Variants in NUP210L observed in about 807,000 individuals in gnomAD.
The protein encoded by NUP210L is nucleoporin 210 like, also known as nuclear pore membrane glycoprotein 210-like.
In NUP210L, 74 loss-of-function variants were observed where a neutral mutation model predicts 208.5. The ratio of observed to expected loss-of-function variants is 0.35; its 90% CI spans 0.29 to 0.43. NUP210L has a LOEUF of 0.43. Ranked by LOEUF, NUP210L falls within the 20% of genes least tolerant of loss-of-function variation. The pLI is 1.00. For synonymous variants in NUP210L, 780 were observed against 816.9 expected (o/e 0.95, Z 0.77); for missense variants, 1,843 against 2,289.4 (o/e 0.81, Z 3.98).
At chr1:154,005,816 C>T (rs537643578) in intron 35 of NUP210L, among the ~76,000 whole-genome samples, 3 of 152,036 alleles carry the variant, frequency 2.0e-5, no homozygotes, top group African/African-American at 4.8e-5. Context: ...CTCCGCCTCC[C>T]GGGTTCAAGT....
chr1:154,092,280 C>T (rs1317994283), intron 15 of NUP210L, among the ~76,000 whole-genome samples: 1 of 150,656 alleles, frequency 6.6e-6, no homozygotes, highest in Non-Finnish European at 1.5e-5. Flanking sequence ...GGGGTTTCAC[C>T]GTGTTACCCA....
chr1:153,994,973 C>T, intron 38 of NUP210L, 103 bp downstream of exon 38: 1 of 682,224 alleles, frequency 1.5e-6, no homozygotes, highest in East Asian at 2.9e-5. Flanking sequence ...GATTGCGCCA[C>T]TGCACTCCAG....
intron 10 of NUP210L, among the ~76,000 whole-genome samples, chr1:154,126,076 T>C (rs1041633872): frequency 6.6e-6 from 1 of 151,942 alleles, no homozygotes; most frequent in Non-Finnish European, 1.5e-5. Flanking sequence ...CCAAGAAATG[T>C]TTTTAATGAA....
exon 32 of NUP210L, chr1:154,022,197 A>G (rs1439193842): frequency 6.2e-7 from 1 of 1,614,166 alleles, no homozygotes; most frequent in South Asian, 1.1e-5. Context: ...GTCTGGCTCA[A>G]TGGCATGCTC....
chr1:153,997,409 G>A (rs956363413), intron 37 of NUP210L, among the ~76,000 whole-genome samples: 1 of 151,424 alleles, frequency 6.6e-6, no homozygotes, highest in Admixed American at 6.6e-5. Flanking sequence ...CCAAAGTGTT[G>A]GGATTACAAG....
At chr1:153,996,181 A>G (rs1477030434) in intron 37 of NUP210L, among the ~76,000 whole-genome samples, 3 of 152,030 alleles carry the variant, frequency 2.0e-5, no homozygotes, top group Non-Finnish European at 4.4e-5. Context: ...AGTCCCAGCT[A>G]CTTGGGAGGC....
At chr1:154,120,377 A>C (rs1440889302) in intron 10 of NUP210L, among the ~76,000 whole-genome samples, 2 of 152,100 alleles carry the variant, frequency 1.3e-5, no homozygotes, top group Non-Finnish European at 2.9e-5. Flanking sequence ...TATCACAAGG[A>C]CAAAAAACCA....
In NUP210L at chr1:154,127,208, CAAAG is replaced by C. The variant is rs1435493551; in HGVS notation, c.1185+99_1185+102del. Reference sequence around the variant, plus strand: ...TTTTCCGAAGGTAAAAATCTAGAATCAAAGAAAGAAAGAGGGCTTTCTAGCCAGG... The same window carrying C: ...TTTTCCGAAGGTAAAAATCTAGAATCAAAGAAAGAGGGCTTTCTAGCCAGG... On this transcript the variant is annotated intron_variant, in intron 9 of 39. Transcript: ENST00000368559. 13 of 452,506 alleles carry C rather than the reference CAAAG, an allele frequency of 2.9e-5. No individual in the cohort carries two copies. In the East Asian group the frequency reaches 3.2e-4, roughly 11 times the overall value. The allele number at this position is 452,506 out of a possible 1,614,324, so 28.0% of individuals were successfully genotyped here.
At chr1:154,018,609 C>A (rs1305066974) in intron 33 of NUP210L, among the ~76,000 whole-genome samples, 3 of 152,132 alleles carry the variant, frequency 2.0e-5, no homozygotes, top group Non-Finnish European at 2.9e-5. Flanking sequence ...TTCTTATCAC[C>A]TCCTCTGTCA....
intron 30 of NUP210L, among the ~76,000 whole-genome samples, chr1:154,025,166 G>A (rs187734598): frequency 1.9e-3 from 286 of 151,582 alleles, no homozygotes; most frequent in African/African-American, 6.7e-3. Context: ...CTGACCTCGT[G>A]ATCCGCCTGC....
rs1656181851 is a variant in NUP210L, at chr1:154,096,390, A to G, written c.1966-1234T>C. 2.0e-5 allele frequency among the ~76,000 whole-genome samples: 3 copies of G among 152,218 alleles called. No homozygotes were observed. In the South Asian group the frequency reaches 6.2e-4, roughly 31 times the overall value. On this transcript the variant is annotated intron_variant, in intron 14 of 39. Transcript: ENST00000368559. ...AGGATACAGTAATAGAAATCCAAAT[A>G]AAGTCTTGTCTCACAGGGGAGCTCA...
intron 30 of NUP210L, among the ~76,000 whole-genome samples, chr1:154,023,607 A>G (rs867238977): frequency 6.6e-6 from 1 of 151,340 alleles, no homozygotes; most frequent in African/African-American, 2.4e-5. Context: ...CCTCCCAGGT[A>G]GCTGTGATTA....
At chr1:154,153,425 T>A (rs1659501626) in intron 1 of NUP210L, among the ~76,000 whole-genome samples, 1 of 152,196 alleles carries the variant, frequency 6.6e-6, no homozygotes, top group South Asian at 2.1e-4. Context: ...TTCTCCTGCC[T>A]CAGCCTCTCG....
chr1:154,080,373 G>C (rs1655257774), intron 16 of NUP210L, among the ~76,000 whole-genome samples: 1 of 135,810 alleles, frequency 7.4e-6, no homozygotes, highest in African/African-American at 2.9e-5. Context: ...AAAAAAAAAA[G>C]GAAGAAGGAG....
intron 27 of NUP210L, among the ~76,000 whole-genome samples, chr1:154,033,119 G>A (rs1038830336): frequency 2.6e-5 from 4 of 152,090 alleles, no homozygotes; most frequent in Admixed American, 1.3e-4. Context: ...CTGTTGAGTT[G>A]TTTGAGCTGC....
At chr1:154,092,569 C>T in intron 15 of NUP210L, among the ~76,000 whole-genome samples, 1 of 143,998 alleles carries the variant, frequency 6.9e-6, no homozygotes. Context: ...TTTTTTTTAG[C>T]AGAGATGGGG....
At chr1:153,998,033 A>AT (rs1467978079) in intron 37 of NUP210L, among the ~76,000 whole-genome samples, 1 of 151,848 alleles carries the variant, frequency 6.6e-6, no homozygotes, top group Non-Finnish European at 1.5e-5. Context: ...TAAGAGAAAT[A>AT]TTTTTTAAAT....
At chr1:154,036,313 CAT>C (rs1491310949) in intron 27 of NUP210L, among the ~76,000 whole-genome samples, 32 of 104,118 alleles carry the variant, frequency 3.1e-4, no homozygotes, top group East Asian at 2.2e-3. Context: ...ACAGTTGGAA[CAT>C]GTGTGTGTGT....
At chr1:154,134,464 G>A (rs1248823693) in intron 7 of NUP210L, among the ~76,000 whole-genome samples, 7 of 144,590 alleles carry the variant, frequency 4.8e-5, no homozygotes, top group South Asian at 2.2e-4. Flanking sequence ...CAGGCCGGGC[G>A]CGGTGGCTCA....
Sources: allele counts gnomAD v4.1 joint callset (sites outside exome capture counted in the v4.1 genomes callset), GRCh38; gene constraint gnomAD v4.1.1; transcripts MANE v1.5; gene names NCBI Gene and HGNC (gene_info 2026-07-23, HGNC 2026-07-21).